Variants in TGFA observed in about 807,000 individuals in gnomAD.
TGFA encodes transforming growth factor alpha, also known as protransforming growth factor alpha.
TGFA carries 12 observed loss-of-function variants against 21.7 expected under a neutral mutation model. The observed-to-expected ratio is 0.55, with a 90% CI of 0.35 to 0.90. The LOEUF (loss-of-function observed/expected upper bound fraction) is 0.90. Ranked by LOEUF, TGFA falls within the 40% of genes least tolerant of loss-of-function variation. The pLI, the probability that TGFA is intolerant of heterozygous loss-of-function variation, is 0.01. For synonymous variants in TGFA, 79 were observed against 88.1 expected, an observed-to-expected ratio of 0.90 and a Z score of 0.58; for missense variants, 178 against 210.8, an observed-to-expected ratio of 0.84 and a Z score of 0.96.
chr2:70,522,191 A>T (rs532615218), intron 1 of TGFA, among the ~76,000 whole-genome samples: 1 of 152,262 alleles, frequency 6.6e-6, no homozygotes, highest in Non-Finnish European at 1.5e-5. Flanking sequence ...ATTTATGTTG[A>T]ACTGAATTTC....
intron 2 of TGFA, among the ~76,000 whole-genome samples, chr2:70,473,044 G>A (rs1456739466): frequency 6.6e-6 from 1 of 152,162 alleles, no homozygotes; most frequent in Admixed American, 6.5e-5. Flanking sequence ...GTAGCTACTG[G>A]GGAAGCTGGC....
chr2:70,545,742 A>G (rs1673283137), intron 1 of TGFA, among the ~76,000 whole-genome samples: 1 of 152,220 alleles, frequency 6.6e-6, no homozygotes, highest in South Asian at 2.1e-4. Flanking sequence ...ATGGGGAAAG[A>G]TGCATAGTTT....
intron 3 of TGFA, among the ~76,000 whole-genome samples, chr2:70,461,904 T>C (rs946835857): frequency 3.9e-5 from 6 of 152,202 alleles, no homozygotes; most frequent in Non-Finnish European, 5.9e-5. Context: ...CTGTGACTAG[T>C]TATTTGTTTA....
At position 70,453,273 on chromosome 2, in the gene TGFA, G is replaced by A. The variant is rs368248694; in HGVS notation, c.420C>T (p.His140=). Residue 140 remains histidine (H), a synonymous_variant, in exon 5 of 6, where the codon CAC becomes CAT. Coordinates refer to ENST00000295400, the MANE Select transcript of TGFA (RefSeq NM_003236.4). ...CCTTCAGGAGGGCGCTGGGCTTCTC[G>A]TGCCGGCAGATGAGGGCCCGGCACC... ...CEWCRALICR[H]EKPSALLKGR... The A allele has an allele frequency of 1.5e-5, 25 of 1,613,938 alleles. No homozygotes were observed. Among genetic ancestry groups the A allele is most frequent in the African/African-American group, 6.7e-5 (5 of 74,940 alleles).
chr2:70,521,609 G>GTTTTTTTTTTTTTTTTT lies in TGFA; in HGVS notation c.41-6698_41-6697insAAAAAAAAAAAAAAAAA, dbSNP rs797022948. ...ACTATTGATAGTTTTTTTTGTTGTT[G>GTTTTTTTTTTTTTTTTT]TTTGTTTGTTTTTTTTTTTTTTTTT... On this transcript the variant is annotated intron_variant, in intron 1 of 5. Transcript: ENST00000295400. 5.6e-4 allele frequency among the ~76,000 whole-genome samples: 44 copies of GTTTTTTTTTTTTTTTTT among 78,868 alleles called. 2 individuals are homozygous for GTTTTTTTTTTTTTTTTT. Among genetic ancestry groups the GTTTTTTTTTTTTTTTTT allele is most frequent in the African/African-American group, 1.2e-3 (24 of 20,198 alleles). The allele number at this position is 78,868 out of a possible 152,430, so 51.7% of individuals were successfully genotyped here. A position where few individuals can be genotyped will look rare whatever the true frequency, so the allele number is the denominator to read the frequency against.
intron 1 of TGFA, among the ~76,000 whole-genome samples, chr2:70,530,275 C>G (rs1166367911): frequency 6.6e-6 from 1 of 152,218 alleles, no homozygotes; most frequent in Non-Finnish European, 1.5e-5. Context: ...CTCTGAAGCA[C>G]TTTCAAGTTC....
rs73939719 is a variant in TGFA, at chr2:70,474,680, C to A, written c.95-8944G>T. On this transcript the variant is annotated intron_variant, in intron 2 of 5. Transcript: ENST00000295400. ...GGAACATGAGATGCTATCAGGCCTT[C>A]CACTAAGGGCAGGAACCTCTGGGCT... Among the ~76,000 whole-genome samples, 418 of 152,286 alleles carry A rather than the reference C, an allele frequency of 2.7e-3. 1 individual carries two copies. Among genetic ancestry groups the A allele is most frequent in the African/African-American group, 9.6e-3 (400 of 41,566 alleles).
chr2:70,498,936 T>A (rs1036071118), intron 2 of TGFA, among the ~76,000 whole-genome samples: 5 of 152,148 alleles, frequency 3.3e-5, no homozygotes, highest in Admixed American at 3.3e-4. Context: ...GGGGGAGGTT[T>A]TAAAAATTAC....
chr2:70,515,719 G>A (rs1672252540), intron 1 of TGFA, among the ~76,000 whole-genome samples: 1 of 152,286 alleles, frequency 6.6e-6, no homozygotes, highest in African/African-American at 2.4e-5. Context: ...CTGCCACCAT[G>A]CCGTACCCTG....
At chr2:70,472,372 C>G (rs1670778959) in intron 2 of TGFA, among the ~76,000 whole-genome samples, 2 of 152,164 alleles carry the variant, frequency 1.3e-5, no homozygotes, top group African/African-American at 4.8e-5. Flanking sequence ...CCACTCAGTT[C>G]CTGTTGCCAT....
In TGFA at chr2:70,531,818, A is replaced by C. The variant is rs534976691; in HGVS notation, c.41-16906T>G. 7.2e-5 allele frequency among the ~76,000 whole-genome samples: 11 copies of C among 152,368 alleles called. No homozygotes were observed. The South Asian group carries it at 2.3e-3, about 32-fold the overall frequency. On this transcript the variant is annotated intron_variant, in intron 1 of 5. Transcript: ENST00000295400. Reference sequence around the variant, plus strand: ...TTAAGGGTAAAGTATGTCATCAATGAAAACATTGATCAACCCTTGAATGTC... The same window carrying C: ...TTAAGGGTAAAGTATGTCATCAATGCAAACATTGATCAACCCTTGAATGTC...
At chr2:70,498,180 T>C (rs1459038262) in intron 2 of TGFA, among the ~76,000 whole-genome samples, 3 of 152,270 alleles carry the variant, frequency 2.0e-5, no homozygotes, top group African/African-American at 7.2e-5. Flanking sequence ...AAAGCTGGTC[T>C]TACCTATTGC....
chr2:70,548,099 C>T (rs1553506266), intron 1 of TGFA, among the ~76,000 whole-genome samples: 1 of 152,062 alleles, frequency 6.6e-6, no homozygotes, highest in Admixed American at 6.6e-5. Context: ...TGAAGACTAC[C>T]AGCATTAGTG....
chr2:70,494,575 A>G (rs1671526355), intron 2 of TGFA, among the ~76,000 whole-genome samples: 1 of 152,204 alleles, frequency 6.6e-6, no homozygotes, highest in Non-Finnish European at 1.5e-5. Flanking sequence ...GCCTTATGAT[A>G]AGTATTACCA....
chr2:70,553,609 A>G (rs1345851569), intron 1 of TGFA, 119 bp downstream of exon 1: 7 of 1,310,150 alleles, frequency 5.3e-6, no homozygotes, highest in African/African-American at 1.5e-5. Flanking sequence ...CATTGAGACT[A>G]CTCGCTTCTC....
At chr2:70,458,919 G>A (rs184077774) in intron 3 of TGFA, among the ~76,000 whole-genome samples, 3 of 152,314 alleles carry the variant, frequency 2.0e-5, no homozygotes, top group African/African-American at 4.8e-5. Flanking sequence ...GAATGGGGCC[G>A]GGGAGCCTGG....
chr2:70,514,734 G>A (rs2103854484), intron 2 of TGFA, 125 bp downstream of exon 2: 2 of 1,018,348 alleles, frequency 2.0e-6, no homozygotes. Flanking sequence ...GGGGCAGAGA[G>A]GACTCCGGGA....
chr2:70,475,246 T>C (rs1172797387), intron 2 of TGFA, among the ~76,000 whole-genome samples: 1 of 152,208 alleles, frequency 6.6e-6, no homozygotes, highest in Non-Finnish European at 1.5e-5. Context: ...GATGACATTA[T>C]TATTAGGAGC....
chr2:70,451,750 G>C (rs1553489636), intron 5 of TGFA: 2 of 702,142 alleles, frequency 2.8e-6, no homozygotes, highest in South Asian at 3.0e-5. Flanking sequence ...CAATAGATTA[G>C]CCCAAGGTAG....
Sources: allele counts gnomAD v4.1 joint callset (sites outside exome capture counted in the v4.1 genomes callset), GRCh38; gene constraint gnomAD v4.1.1; transcripts MANE v1.5; gene names NCBI Gene and HGNC (gene_info 2026-07-23, HGNC 2026-07-21).